Variants in CA10 observed in about 807,000 individuals in gnomAD.
CA10 encodes carbonic anhydrase-related protein 10.
A neutral mutation model predicts 44.2 loss-of-function variants in CA10; 14 were observed. The ratio of observed to expected loss-of-function variants is 0.32; its 90% CI spans 0.21 to 0.50. The LOEUF is 0.50. Ranked by LOEUF, CA10 falls within the 20% of genes least tolerant of loss-of-function variation. CA10 has a pLI of 0.99. For synonymous variants in CA10, 159 were observed against 141.6 expected (o/e 1.12, Z -0.87); for missense variants, 350 against 409.7 (o/e 0.85, Z 1.26).
intron 3 of CA10, among the ~76,000 whole-genome samples, chr17:51,881,280 A>G (rs1287337403): frequency 6.6e-6 from 1 of 151,474 alleles, no homozygotes; most frequent in Non-Finnish European, 1.5e-5. Context: ...CTTTTATCAT[A>G]CAATGAACTC....
chr17:51,731,429 TA>T (rs1916715750), intron 4 of CA10, among the ~76,000 whole-genome samples: 1 of 152,088 alleles, frequency 6.6e-6, no homozygotes, highest in African/African-American at 2.4e-5. Flanking sequence ...TGGAACAATA[TA>T]AACAATTCTT....
chr17:51,720,476 A>G (rs921226506), intron 4 of CA10, among the ~76,000 whole-genome samples: 2 of 152,244 alleles, frequency 1.3e-5, no homozygotes, highest in Admixed American at 1.3e-4. Flanking sequence ...CCCATCCACC[A>G]GTCTGAAAAC....
chr17:52,123,370 G>GT (rs1989052579), intron 1 of CA10, among the ~76,000 whole-genome samples: 5 of 64,898 alleles, frequency 7.7e-5, no homozygotes, highest in South Asian at 8.6e-4. Context: ...TATATATATG[G>GT]GGTGTGTGTG....
chr17:51,864,819 T>C (rs1350641752), intron 3 of CA10, among the ~76,000 whole-genome samples: 1 of 152,310 alleles, frequency 6.6e-6, no homozygotes, highest in Admixed American at 6.5e-5. Context: ...ACTCACTGCA[T>C]GTCAAACTGA....
intron 2 of CA10, among the ~76,000 whole-genome samples, chr17:52,008,179 C>A (rs1172894857): frequency 6.6e-6 from 1 of 151,608 alleles, no homozygotes; most frequent in Non-Finnish European, 1.5e-5. Flanking sequence ...TTCATTATTG[C>A]TTCTTTCCAG....
chr17:52,007,990 T>A (rs1469414976), intron 2 of CA10, among the ~76,000 whole-genome samples: 1 of 151,722 alleles, frequency 6.6e-6, no homozygotes, highest in African/African-American at 2.4e-5. Flanking sequence ...AAATGACTGA[T>A]CAAAATAGTA....
chr17:51,758,774 A>G (rs932996516), intron 3 of CA10, among the ~76,000 whole-genome samples: 1 of 152,144 alleles, frequency 6.6e-6, no homozygotes, highest in Non-Finnish European at 1.5e-5. Context: ...AAATTTGTTA[A>G]TTTGTCTTCT....
intron 4 of CA10, among the ~76,000 whole-genome samples, chr17:51,663,911 T>C (rs528768543): frequency 6.6e-6 from 1 of 152,234 alleles, no homozygotes; most frequent in Non-Finnish European, 1.5e-5. Flanking sequence ...CAAGAAGATT[T>C]TGCCAGTCTT....
intron 3 of CA10, among the ~76,000 whole-genome samples, chr17:51,863,245 G>A (rs1979394106): frequency 6.6e-6 from 1 of 152,188 alleles, no homozygotes; most frequent in Admixed American, 6.5e-5. Flanking sequence ...ATAGGACAAG[G>A]ATGAATCTGG....
At chr17:52,057,485 A>C (rs1987262316) in intron 2 of CA10, among the ~76,000 whole-genome samples, 1 of 152,106 alleles carries the variant, frequency 6.6e-6, no homozygotes, top group Admixed American at 6.6e-5. Flanking sequence ...GTATTTAATA[A>C]ATATATAAAA....
At chr17:51,921,505 T>C (rs369588640) in intron 3 of CA10, among the ~76,000 whole-genome samples, 2 of 152,208 alleles carry the variant, frequency 1.3e-5, no homozygotes, top group African/African-American at 4.8e-5. Flanking sequence ...CAGAGAAAAC[T>C]GAATATAAAA....
At chr17:52,109,425 C>T (rs186668039) in intron 1 of CA10, among the ~76,000 whole-genome samples, 43 of 152,304 alleles carry the variant, frequency 2.8e-4, no homozygotes, top group African/African-American at 1.0e-3. Flanking sequence ...GAGTTTGATT[C>T]TGCACTAACT....
At position 51,898,949 on chromosome 17, in the gene CA10, A is replaced by G. The variant is rs1373765201; in HGVS notation, c.279+32041T>C. Among the ~76,000 whole-genome samples the G allele has an allele frequency of 4.7e-5, 7 of 149,816 alleles. No individual in the cohort carries two copies. In the East Asian group the frequency reaches 1.4e-3, roughly 29 times the overall value. On this transcript the variant is annotated intron_variant, in intron 3 of 8. Transcript: ENST00000451037. ...TATTTAGATCTTCTTTTTTTTCTTT[A>G]TTAGTCTAGCTAGCAGTCTGTCAAT...
intron 5 of CA10, 69 bp downstream of exon 5, chr17:51,653,572 G>A (rs973025486): frequency 2.3e-6 from 2 of 884,076 alleles, no homozygotes; most frequent in African/African-American, 3.3e-5. Context: ...AACTCCAACA[G>A]AGACCGTAAA....
At position 51,806,527 on chromosome 17, in the gene CA10, T is replaced by C. The variant is rs1280916497; in HGVS notation, c.280-58709A>G. ...GGGAAATACAATAAACAAATAAAAATGAGAAAGAAAAAAGAATTATATGTT... is the reference window on the plus strand; with the variant it reads ...GGGAAATACAATAAACAAATAAAAACGAGAAAGAAAAAAGAATTATATGTT... On this transcript the variant is annotated intron_variant, in intron 3 of 8. Transcript: ENST00000451037. Among the ~76,000 whole-genome samples, 7 of 152,160 alleles carry C rather than the reference T, an allele frequency of 4.6e-5. No homozygotes were observed. The East Asian group carries it at 1.2e-3, about 25-fold the overall frequency.
chr17:52,025,934 T>C (rs941783493), intron 2 of CA10, among the ~76,000 whole-genome samples: 2 of 151,946 alleles, frequency 1.3e-5, no homozygotes, highest in African/African-American at 2.4e-5. Flanking sequence ...CAAAGAAATA[T>C]ACAAACATAG....
At chr17:51,828,977 T>C (rs1908131184) in intron 3 of CA10, among the ~76,000 whole-genome samples, 1 of 152,246 alleles carries the variant, frequency 6.6e-6, no homozygotes, top group Admixed American at 6.5e-5. Context: ...AAGAGTTTCA[T>C]TCCGTGATTT....
intron 2 of CA10, among the ~76,000 whole-genome samples, chr17:51,952,972 G>T (rs203012): frequency 0.83 from 125,676 of 152,104 alleles, 52,081 homozygotes; most frequent in Non-Finnish European, 0.85. Context: ...AAAAGGACTA[G>T]GCTGGTCTTG....
chr17:51,900,924 T>C (rs1323878003), intron 3 of CA10, among the ~76,000 whole-genome samples: 1 of 152,176 alleles, frequency 6.6e-6, no homozygotes. Context: ...TTTGTTATAT[T>C]CCTTAGATTC....
Sources: allele counts gnomAD v4.1 joint callset (sites outside exome capture counted in the v4.1 genomes callset), GRCh38; gene constraint gnomAD v4.1.1; transcripts MANE v1.5; gene names NCBI Gene and HGNC (gene_info 2026-07-23, HGNC 2026-07-21).